Variants in TAS2R1 observed in about 807,000 individuals in gnomAD.
TAS2R1 encodes the protein taste 2 receptor member 1.
For missense variants in TAS2R1, 370 were observed against 353.4 expected (o/e 1.05, Z -0.38); for synonymous variants, 141 against 134.2 (o/e 1.05, Z -0.35).
At chr5:9,701,751 T>C (rs1741488907) in intron 1 of TAS2R1, among the ~76,000 whole-genome samples, 1 of 152,264 alleles carries the variant, frequency 6.6e-6, no homozygotes, top group Non-Finnish European at 1.5e-5. Flanking sequence ...ATGTTCTATA[T>C]AGTTTATAAG....
upstream of TAS2R1, among the ~76,000 whole-genome samples, chr5:9,713,481 C>T (rs998939627): frequency 1.1e-4 from 16 of 152,144 alleles, no homozygotes; most frequent in African/African-American, 3.9e-4. Flanking sequence ...CCACCCCCCA[C>T]TGCTTTGAAT....
chr5:9,825,643 T>G, the TAS2R1 span, among the ~76,000 whole-genome samples: 1 of 152,240 alleles, frequency 6.6e-6, no homozygotes, highest in East Asian at 1.9e-4. Context: ...CTTCTCAAAT[T>G]AGAGTACATG....
chr5:9,763,178 A>G, the TAS2R1 span, among the ~76,000 whole-genome samples: 5 of 152,216 alleles, frequency 3.3e-5, no homozygotes, highest in Non-Finnish European at 5.9e-5. Flanking sequence ...AAGTAGAATC[A>G]AGAAAGTTGC....
the TAS2R1 span, among the ~76,000 whole-genome samples, chr5:9,901,902 C>T: frequency 6.6e-6 from 1 of 152,114 alleles, no homozygotes; most frequent in South Asian, 2.1e-4. Flanking sequence ...TGAATAGCTG[C>T]TTCAGCACCA....
At chr5:9,658,117 A>G (rs969244184) in intron 2 of TAS2R1, among the ~76,000 whole-genome samples, 1 of 152,184 alleles carries the variant, frequency 6.6e-6, no homozygotes, top group African/African-American at 2.4e-5. Context: ...TATATTCTCA[A>G]TCTATCACCC....
At chr5:9,765,239 C>A in the TAS2R1 span, among the ~76,000 whole-genome samples, 1 of 152,040 alleles carries the variant, frequency 6.6e-6, no homozygotes, top group African/African-American at 2.4e-5. Flanking sequence ...TTAAAAAAAT[C>A]AAGTACTCAT....
At chr5:9,878,130 A>G in the TAS2R1 span, among the ~76,000 whole-genome samples, 3 of 152,176 alleles carry the variant, frequency 2.0e-5, no homozygotes, top group Non-Finnish European at 4.4e-5. Context: ...CAATGAATTC[A>G]TGGGTTCAGA....
At chr5:9,651,250 T>A (rs1484642043) in intron 2 of TAS2R1, among the ~76,000 whole-genome samples, 3 of 152,218 alleles carry the variant, frequency 2.0e-5, no homozygotes, top group Non-Finnish European at 2.9e-5. Context: ...TATACATCAC[T>A]GGATTAATCC....
At position 9,629,515 on chromosome 5, in the gene TAS2R1, G is replaced by T; in HGVS notation, c.518C>A (p.Ala173Asp). 1 of 1,614,156 alleles carries T rather than the reference G, an allele frequency of 6.2e-7. No individual in the cohort carries two copies. Among genetic ancestry groups the T allele is most frequent in the Non-Finnish European group, 8.5e-7 (1 of 1,180,024 alleles). Reference protein sequence around the residue: ...NATIQKEDTLAIQIFSFVAEF... With the variant: ...NATIQKEDTLDIQIFSFVAEF... ...AGCAACAAAAGAGAAAATCTGTATA[G>T]CCAGTGTATCTTCTTTTTGAATTGT... Residue 173 changes from alanine to aspartate, a missense_variant, in exon 1 of 1, where the codon GCT becomes GAT. Physicochemically the swap from Ala to Asp is moderately radical, Grantham distance 126. Coordinates refer to ENST00000382492, the MANE Select transcript of TAS2R1 (RefSeq NM_019599.3).
the TAS2R1 span, among the ~76,000 whole-genome samples, chr5:9,903,372 G>A: frequency 3.3e-5 from 5 of 151,926 alleles, no homozygotes; most frequent in Non-Finnish European, 7.4e-5. Flanking sequence ...GGTGGTGCTT[G>A]GTTACATGGA....
At chr5:9,892,697 T>C in the TAS2R1 span, among the ~76,000 whole-genome samples, 1 of 152,166 alleles carries the variant, frequency 6.6e-6, no homozygotes, top group Non-Finnish European at 1.5e-5. Context: ...TATTTAGAAC[T>C]GTCTGCGGAA....
intron 1 of TAS2R1, among the ~76,000 whole-genome samples, chr5:9,686,603 G>A (rs948539152): frequency 1.3e-5 from 2 of 152,232 alleles, no homozygotes; most frequent in African/African-American, 4.8e-5. Flanking sequence ...CAAAGATGGG[G>A]GGAAGGGAGG....
the TAS2R1 span, among the ~76,000 whole-genome samples, chr5:9,735,689 C>T: frequency 6.6e-6 from 1 of 152,208 alleles, no homozygotes; most frequent in Non-Finnish European, 1.5e-5. Context: ...TAACAGAAAA[C>T]TGCTATTCAT....
intron 1 of TAS2R1, among the ~76,000 whole-genome samples, chr5:9,668,782 G>A (rs1195884548): frequency 6.6e-6 from 1 of 151,872 alleles, no homozygotes; most frequent in Non-Finnish European, 1.5e-5. Context: ...GGAAAGCAAA[G>A]ACCATTACTA....
rs1561363463 is a variant in TAS2R1, at chr5:9,629,133, T to C, written c.900A>G (p.Ter300TrpextTer11). The C allele has an allele frequency of 6.5e-7, 1 of 1,544,322 alleles. No individual in the cohort carries two copies. Among genetic ancestry groups the C allele is most frequent in the Non-Finnish European group, 8.7e-7 (1 of 1,148,632 alleles). Residue 300 changes from the stop codon to tryptophan (W), a stop_lost, in exon 1 of 1, where the codon TGA (stop) becomes TGG (tryptophan). Coordinates refer to ENST00000382492, the MANE Select transcript of TAS2R1 (RefSeq NM_019599.3). ...KFLLHSKCCQ[*>W] The stretch of plus-strand genomic sequence containing the variant: ...TCTTTGAACTGATCCAACTTCTCTC[T>C]CACTGACAGCACTTACTGTGGAGGA...
the TAS2R1 span, among the ~76,000 whole-genome samples, chr5:9,777,205 C>T: frequency 6.6e-6 from 1 of 152,186 alleles, no homozygotes; most frequent in Non-Finnish European, 1.5e-5. Context: ...TTCTCTGAAG[C>T]ATGCAATACT....
chr5:9,655,596 C>T (rs1185027070), intron 2 of TAS2R1, among the ~76,000 whole-genome samples: 2 of 151,820 alleles, frequency 1.3e-5, no homozygotes, highest in Non-Finnish European at 2.9e-5. Context: ...AAAATTTAAA[C>T]AAAATTTTAA....
the TAS2R1 span, among the ~76,000 whole-genome samples, chr5:9,898,851 G>A: frequency 2.0e-5 from 3 of 152,138 alleles, no homozygotes; most frequent in African/African-American, 7.2e-5. Flanking sequence ...ATATTCCAAC[G>A]ATCATGCGCA....
the TAS2R1 span, among the ~76,000 whole-genome samples, chr5:9,796,723 AAAAAAAAAAAAAAAAAGAAAAG>A: frequency 3.7e-5 from 3 of 80,238 alleles, no homozygotes; most frequent in African/African-American, 1.2e-4. Context: ...ATTTTCTGGA[AAAAAAAAAAAAAAAAAGAAAAG>A]AAAAAAAAAA....
Sources: allele counts gnomAD v4.1 joint callset (sites outside exome capture counted in the v4.1 genomes callset), GRCh38; gene constraint gnomAD v4.1.1; transcripts MANE v1.5; gene names NCBI Gene and HGNC (gene_info 2026-07-23, HGNC 2026-07-21).